TMEM131L: variants seen among roughly 807,000 people sequenced by gnomAD.
TMEM131L encodes the protein transmembrane protein 131-like.
TMEM131L carries 54 observed loss-of-function variants against 192.2 expected under a neutral mutation model. That is an observed-to-expected ratio of 0.28 (90% CI 0.23 to 0.35). The LOEUF is 0.35. Among genes scored for constraint, TMEM131L ranks in the 10% least tolerant of loss-of-function variants. The pLI, the probability that TMEM131L is intolerant of heterozygous loss-of-function variation, is 1.00. For missense variants in TMEM131L, 1,888 were observed against 1,972.9 expected (o/e 0.96, Z 0.82); for synonymous variants, 701 against 704.9 (o/e 0.99, Z 0.09).
chr4:153,564,834 G>A (rs932381524), intron 7 of TMEM131L, among the ~76,000 whole-genome samples: 14 of 152,308 alleles, frequency 9.2e-5, no homozygotes, highest in Admixed American at 7.2e-4. Flanking sequence ...ACAGGATAAA[G>A]TCCAAGCTCC....
chr4:153,480,304 A>C (rs1483227237), intron 3 of TMEM131L, among the ~76,000 whole-genome samples: 2 of 152,190 alleles, frequency 1.3e-5, no homozygotes, highest in African/African-American at 2.4e-5. Flanking sequence ...GCGCCACTGC[A>C]CTCCAGCCTG....
chr4:153,605,478 C>T (rs948810725), intron 25 of TMEM131L, among the ~76,000 whole-genome samples: 5 of 152,214 alleles, frequency 3.3e-5, no homozygotes, highest in Non-Finnish European at 7.3e-5. Context: ...AGCCATTTTC[C>T]CATCCCAGCC....
Position 153,505,868 on chromosome 4 carries a change from A to G in TMEM131L, c.239+31980A>G, listed in dbSNP as rs115611403. The stretch of plus-strand genomic sequence containing the variant: ...CTGGAGACATCAAGTTGGAATGAGT[A>G]AGAGTGTGCCCAGGGTGTGGTGAGG... On this transcript the variant is annotated intron_variant, in intron 3 of 34. Coordinates refer to ENST00000409959, the MANE Select transcript of TMEM131L (RefSeq NM_001131007.2). Among the ~76,000 whole-genome samples, 754 of 152,248 alleles carry G rather than the reference A, an allele frequency of 5.0e-3. 11 individuals carry two copies. The highest frequency in any genetic ancestry group is 0.017 in the African/African-American group (698 of 41,540).
At chr4:153,553,457 TAAAA>T (rs34266190) in intron 4 of TMEM131L, among the ~76,000 whole-genome samples, 1 of 143,808 alleles carries the variant, frequency 7.0e-6, no homozygotes, top group Non-Finnish European at 1.5e-5. Flanking sequence ...TTGCTGAAGT[TAAAA>T]AAAAAAAAAA....
At chr4:153,564,077 T>G (rs928792656) in intron 7 of TMEM131L, among the ~76,000 whole-genome samples, 2 of 151,608 alleles carry the variant, frequency 1.3e-5, no homozygotes, top group South Asian at 4.2e-4. Context: ...TTACCTGAGG[T>G]CAGGAGTTCA....
intron 3 of TMEM131L, among the ~76,000 whole-genome samples, chr4:153,531,299 G>C (rs915678642): frequency 1.3e-5 from 2 of 152,214 alleles, no homozygotes; most frequent in Admixed American, 1.3e-4. Flanking sequence ...GGCCACATTG[G>C]CTATTACTGG....
intron 12 of TMEM131L, 41 bp from the exon 13 acceptor site, chr4:153,585,417 C>T: frequency 6.2e-7 from 1 of 1,602,424 alleles, no homozygotes; most frequent in African/African-American, 1.3e-5. Flanking sequence ...GACTGTTGTC[C>T]CACACTCAGG....
At chr4:153,551,516 C>G (rs1215912542) in intron 4 of TMEM131L, among the ~76,000 whole-genome samples, 2 of 152,004 alleles carry the variant, frequency 1.3e-5, no homozygotes, top group Admixed American at 6.6e-5. Context: ...CGCCACCACG[C>G]CTGTAATTTT....
At chr4:153,566,976 C>T (rs937212080) in intron 7 of TMEM131L, among the ~76,000 whole-genome samples, 3 of 152,228 alleles carry the variant, frequency 2.0e-5, no homozygotes, top group Admixed American at 1.3e-4. Flanking sequence ...AGGTTGCGGT[C>T]CCGGGCTGCC....
chr4:153,505,339 C>G (rs537792716), intron 3 of TMEM131L, among the ~76,000 whole-genome samples: 1 of 152,174 alleles, frequency 6.6e-6, no homozygotes, highest in South Asian at 2.1e-4. Flanking sequence ...AACTCCTGAC[C>G]TCGTGATCCA....
At chr4:153,527,130 C>T (rs1735546710) in intron 3 of TMEM131L, among the ~76,000 whole-genome samples, 1 of 152,162 alleles carries the variant, frequency 6.6e-6, no homozygotes, top group Non-Finnish European at 1.5e-5. Flanking sequence ...ATGTTGGCTA[C>T]AGTCCATTGA....
intron 12 of TMEM131L, 142 bp downstream of exon 12, chr4:153,585,073 A>G (rs1561215111): frequency 7.5e-6 from 5 of 668,924 alleles, no homozygotes. Flanking sequence ...TAGCATTGCT[A>G]ACAGGCAGTG....
intron 3 of TMEM131L, among the ~76,000 whole-genome samples, chr4:153,503,250 C>A (rs1024030329): frequency 6.6e-6 from 1 of 152,134 alleles, no homozygotes; most frequent in Admixed American, 6.5e-5. Flanking sequence ...TTCCTTTATT[C>A]ATTTTTAGAA....
At chr4:153,490,953 CAAA>C (rs3040164) in intron 3 of TMEM131L, among the ~76,000 whole-genome samples, 1,926 of 82,022 alleles carry the variant, frequency 0.023, 37 homozygotes, top group African/African-American at 0.083. Context: ...GACTCTGTCT[CAAA>C]AAAAAAAAAA....
chr4:153,598,055 G>GTTA (rs34222482), intron 20 of TMEM131L, among the ~76,000 whole-genome samples: 41,454 of 151,938 alleles, frequency 0.27, 5,990 homozygotes, highest in Non-Finnish European at 0.34. Context: ...CTAGATACAT[G>GTTA]TTATTTATGG....
chr4:153,610,041 CTT>C (rs1344032365), intron 25 of TMEM131L, among the ~76,000 whole-genome samples: 1 of 152,176 alleles, frequency 6.6e-6, no homozygotes, highest in Non-Finnish European at 1.5e-5. Flanking sequence ...TAAAGAATGA[CTT>C]TTAATTTTGA....
chr4:153,478,721 A>G (rs1008976852), intron 3 of TMEM131L, among the ~76,000 whole-genome samples: 36 of 152,194 alleles, frequency 2.4e-4, no homozygotes, highest in African/African-American at 8.4e-4. Flanking sequence ...ATGGATATTT[A>G]TACTTTGGGT....
intron 25 of TMEM131L, among the ~76,000 whole-genome samples, chr4:153,606,578 A>C (rs1020454182): frequency 6.6e-6 from 1 of 152,238 alleles, no homozygotes; most frequent in Non-Finnish European, 1.5e-5. Context: ...AGCAGGTAAT[A>C]ACACTTTAAT....
chr4:153,553,465 A>G (rs916261172), intron 4 of TMEM131L, among the ~76,000 whole-genome samples: 8 of 152,084 alleles, frequency 5.3e-5, no homozygotes, highest in Non-Finnish European at 1.0e-4. Context: ...GTTAAAAAAA[A>G]AAAAAACCTC....
Sources: allele counts gnomAD v4.1 joint callset (sites outside exome capture counted in the v4.1 genomes callset), GRCh38; gene constraint gnomAD v4.1.1; transcripts MANE v1.5; gene names NCBI Gene and HGNC (gene_info 2026-07-23, HGNC 2026-07-21).